Variants in SPPL3 observed in about 807,000 individuals in gnomAD.
SPPL3 encodes signal peptide peptidase like 3, also known as signal peptide peptidase-like 3.
In SPPL3, 5 loss-of-function variants were observed where a neutral mutation model predicts 42.4. The ratio of observed to expected loss-of-function variants is 0.12; its 90% confidence interval spans 0.06 to 0.25. The LOEUF (loss-of-function observed/expected upper bound fraction) is 0.25, where lower values mean the gene tolerates loss of function less well. Ranked by LOEUF, SPPL3 falls within the 10% of genes least tolerant of loss-of-function variation. The pLI, the probability that SPPL3 is intolerant of heterozygous loss-of-function variation, is 1.00. For missense variants in SPPL3, 235 were observed against 489.0 expected (o/e 0.48, Z 4.90); for synonymous variants, 195 against 181.8 (o/e 1.07, Z -0.58).
intron 1 of SPPL3, among the ~76,000 whole-genome samples, chr12:120,884,551 A>T (rs201652001): frequency 2.4e-3 from 51 of 21,230 alleles, no homozygotes; most frequent in African/African-American, 5.1e-3. Flanking sequence ...TGTATAATTT[A>T]AAAAAAAAAA....
chr12:120,899,352 C>T (rs1208268383), intron 1 of SPPL3, among the ~76,000 whole-genome samples: 1 of 152,176 alleles, frequency 6.6e-6, no homozygotes, highest in Non-Finnish European at 1.5e-5. Context: ...ATTTTTCACT[C>T]AGTAGCATCC....
intron 1 of SPPL3, among the ~76,000 whole-genome samples, chr12:120,815,581 A>G (rs1362856934): frequency 6.6e-6 from 1 of 151,974 alleles, no homozygotes; most frequent in Non-Finnish European, 1.5e-5. Flanking sequence ...CACTACCCTC[A>G]AGGCAGATTA....
chr12:120,892,282 C>A (rs1459184967), intron 1 of SPPL3, among the ~76,000 whole-genome samples: 2 of 152,188 alleles, frequency 1.3e-5, no homozygotes, highest in Non-Finnish European at 2.9e-5. Context: ...ATTGTCAAAA[C>A]GGGAAGATGG....
intron 2 of SPPL3, among the ~76,000 whole-genome samples, chr12:120,799,510 C>A (rs1214042423): frequency 2.6e-5 from 4 of 152,102 alleles, no homozygotes; most frequent in Non-Finnish European, 5.9e-5. Context: ...TTCTTAGCAT[C>A]TAACTGACAA....
chr12:120,818,207 C>A (rs1346382376), intron 1 of SPPL3, among the ~76,000 whole-genome samples: 1 of 152,136 alleles, frequency 6.6e-6, no homozygotes, highest in African/African-American at 2.4e-5. Context: ...TACTGAAACA[C>A]AGAAAGAAAC....
Position 120,764,159 on chromosome 12 carries a change from G to C in SPPL3, c.*840C>G, listed in dbSNP as rs1386350793. 1 of 152,366 alleles carries C rather than the reference G, an allele frequency of 6.6e-6. No homozygotes were observed. The highest frequency in any genetic ancestry group is 2.4e-5 in the African/African-American group (1 of 41,430). The allele number at this position is 152,366 out of a possible 1,614,324, so 9.4% of individuals were successfully genotyped here. On this transcript the variant is annotated 3_prime_UTR_variant, in exon 11 of 11. Coordinates refer to ENST00000353487, the MANE Select transcript of SPPL3 (RefSeq NM_139015.5). ...ATGCTATACTAGTTTGTAACTGCGG[G>C]GTCAGTTGTGAAGGGGAAGGACAGC...
intron 1 of SPPL3, among the ~76,000 whole-genome samples, chr12:120,832,220 A>G: frequency 6.6e-6 from 1 of 152,232 alleles, no homozygotes. Context: ...CACCTTGGAG[A>G]TAAGCAAGAA....
intron 1 of SPPL3, among the ~76,000 whole-genome samples, chr12:120,869,380 T>G (rs1263889314): frequency 6.6e-6 from 1 of 152,198 alleles, no homozygotes; most frequent in African/African-American, 2.4e-5. Flanking sequence ...AAAAAATGAT[T>G]TGTGTTTATA....
intron 2 of SPPL3, among the ~76,000 whole-genome samples, chr12:120,797,802 T>C (rs1232098202): frequency 6.6e-6 from 1 of 152,212 alleles, no homozygotes; most frequent in Non-Finnish European, 1.5e-5. Flanking sequence ...CAGGTCACAC[T>C]GATAATGATC....
At chr12:120,869,621 G>A (rs1001360282) in intron 1 of SPPL3, among the ~76,000 whole-genome samples, 7 of 152,240 alleles carry the variant, frequency 4.6e-5, no homozygotes, top group East Asian at 3.9e-4. Flanking sequence ...TGAGCTAAAC[G>A]GGTATATATG....
chr12:120,877,041 TACAA>T (rs1873124955), intron 1 of SPPL3, among the ~76,000 whole-genome samples: 1 of 151,720 alleles, frequency 6.6e-6, no homozygotes, highest in Non-Finnish European at 1.5e-5. Flanking sequence ...CAACAGACGT[TACAA>T]ACATTTAAAA....
At chr12:120,822,672 T>C (rs1450379394) in intron 1 of SPPL3, among the ~76,000 whole-genome samples, 2 of 152,096 alleles carry the variant, frequency 1.3e-5, no homozygotes, top group African/African-American at 4.8e-5. Context: ...GGAAAGTCTC[T>C]TGAGCCCCAG....
intron 1 of SPPL3, among the ~76,000 whole-genome samples, chr12:120,866,114 GTATAAT>G (rs1872747203): frequency 6.6e-6 from 1 of 152,104 alleles, no homozygotes; most frequent in African/African-American, 2.4e-5. Context: ...ATGGTGAGTT[GTATAAT>G]TATATTTCAT....
chr12:120,901,014 C>T (rs1873966935), intron 1 of SPPL3, among the ~76,000 whole-genome samples: 1 of 151,530 alleles, frequency 6.6e-6, no homozygotes, highest in South Asian at 2.1e-4. Flanking sequence ...GACAGATAAT[C>T]CAAAAATCAG....
chr12:120,835,046 G>T lies in SPPL3; in HGVS notation c.24-24160C>A, dbSNP rs145255120. On this transcript the variant is annotated intron_variant, in intron 1 of 10. Coordinates refer to ENST00000353487, the MANE Select transcript of SPPL3 (RefSeq NM_139015.5). Reference sequence around the variant, plus strand: ...TTGCCTCATTTTGAAACTCTTCTATGTTAATCACCTTGGTATTATATTACC... The same window carrying T: ...TTGCCTCATTTTGAAACTCTTCTATTTTAATCACCTTGGTATTATATTACC... Among the ~76,000 whole-genome samples the T allele has an allele frequency of 9.9e-5, 15 of 152,228 alleles. No homozygotes were observed. The East Asian group carries it at 2.9e-3, about 29-fold the overall frequency.
Position 120,767,516 on chromosome 12 carries a change from C to T in SPPL3, c.851G>A (p.Arg284His). 1.2e-6 allele frequency: 2 copies of T among 1,614,158 alleles called. No individual in the cohort carries two copies. The highest frequency in any genetic ancestry group is 1.1e-5 in the South Asian group (1 of 91,072). Residue 284 changes from arginine (R) to histidine (H), a missense_variant, in exon 9 of 11, where the codon CGC becomes CAC. Arg to His is a conservative substitution (Grantham distance 29). This residue lies in a region of SPPL3 where 20 missense variants were observed against 66.1 expected (regional missense o/e 0.30). Transcript: ENST00000353487. ...GGCTTGCTTTTTGTAGTTGTCATAG[C>T]GAAGGACAAAGCATAGTAGGAGACC... is the stretch of plus-strand genomic sequence containing the variant. Reference protein sequence around the residue: ...MPGLLLCFVLRYDNYKKQASG... With the variant: ...MPGLLLCFVLHYDNYKKQASG...
chr12:120,892,638 A>G (rs1873676611), intron 1 of SPPL3, among the ~76,000 whole-genome samples: 1 of 152,196 alleles, frequency 6.6e-6, no homozygotes, highest in Non-Finnish European at 1.5e-5. Context: ...TAGAGGGTAG[A>G]TTTTATATTC....
chr12:120,890,428 A>G (rs1185897361), intron 1 of SPPL3, among the ~76,000 whole-genome samples: 1 of 151,724 alleles, frequency 6.6e-6, no homozygotes, highest in Non-Finnish European at 1.5e-5. Context: ...TCCCTACTAA[A>G]AATACAAAAA....
chr12:120,838,784 G>C (rs541892498), intron 1 of SPPL3, among the ~76,000 whole-genome samples: 3 of 152,224 alleles, frequency 2.0e-5, no homozygotes, highest in Non-Finnish European at 2.9e-5. Context: ...CCATCAGAGA[G>C]ATGCAAATCA....
Sources: allele counts gnomAD v4.1 joint callset (sites outside exome capture counted in the v4.1 genomes callset), GRCh38; gene constraint gnomAD v4.1.1; regional missense constraint gnomAD v4.1.1; transcripts MANE v1.5; gene names NCBI Gene and HGNC (gene_info 2026-07-23, HGNC 2026-07-21).